ARRB1: variants seen among roughly 807,000 people sequenced by gnomAD.
ARRB1 encodes the protein beta-arrestin-1.
A neutral mutation model predicts 56.8 loss-of-function variants in ARRB1; 21 were observed. That is an observed-to-expected ratio of 0.37 (90% CI 0.26 to 0.53). The LOEUF is 0.53. ARRB1 is among the 20% of genes least tolerant of loss of function. The pLI is 0.88. For synonymous variants in ARRB1, 210 were observed against 218.6 expected, an observed-to-expected ratio of 0.96 and a Z score of 0.35; for missense variants, 424 against 553.7, an observed-to-expected ratio of 0.77 and a Z score of 2.35.
chr11:75,277,506 G>A (rs1946227637), intron 8 of ARRB1, 58 bp from the exon 9 acceptor site: 1 of 1,503,446 alleles, frequency 6.7e-7, no homozygotes. Context: ...TCTAGGGAAA[G>A]GGGAGGGAGA....
chr11:75,312,381 G>A (rs543091948), intron 1 of ARRB1, among the ~76,000 whole-genome samples: 1 of 152,356 alleles, frequency 6.6e-6, no homozygotes, highest in East Asian at 1.9e-4. Flanking sequence ...GGCTCAGACT[G>A]TGTGGACTGC....
At chr11:75,277,108 C>A (rs1317121205) in intron 9 of ARRB1, among the ~76,000 whole-genome samples, 197 bp from the exon 10 acceptor site, 1 of 151,856 alleles carries the variant, frequency 6.6e-6, no homozygotes, top group Non-Finnish European at 1.5e-5. Context: ...ATAACCAAAG[C>A]CTTCCCCTCA....
At chr11:75,290,997 T>C (rs927065771) in intron 1 of ARRB1, among the ~76,000 whole-genome samples, 1 of 152,188 alleles carries the variant, frequency 6.6e-6, no homozygotes, top group Non-Finnish European at 1.5e-5. Context: ...GGGATCTTTG[T>C]CTCTCTTATC....
intron 1 of ARRB1, among the ~76,000 whole-genome samples, chr11:75,318,218 G>A (rs56376940): frequency 0.013 from 1,788 of 139,504 alleles, 44 homozygotes; most frequent in African/African-American, 0.045. Flanking sequence ...CTCAGCTGGA[G>A]TACAGCACAA....
At chr11:75,323,982 T>C (rs1256380714) in intron 1 of ARRB1, among the ~76,000 whole-genome samples, 3 of 151,676 alleles carry the variant, frequency 2.0e-5, no homozygotes, top group Admixed American at 6.6e-5. Flanking sequence ...AAAAAACGTA[T>C]TCAAAATTTT....
chr11:75,305,984 C>T (rs1412366481), intron 1 of ARRB1, among the ~76,000 whole-genome samples: 6 of 152,152 alleles, frequency 3.9e-5, no homozygotes, highest in African/African-American at 7.2e-5. Flanking sequence ...TATCTGAGCA[C>T]CTTCACCTTT....
chr11:75,328,183 T>A (rs1465201650), intron 1 of ARRB1, among the ~76,000 whole-genome samples: 1 of 152,234 alleles, frequency 6.6e-6, no homozygotes, highest in Non-Finnish European at 1.5e-5. Flanking sequence ...TTCATACAAG[T>A]TGACTCATAC....
At chr11:75,276,088 TAG>T (rs1946194788) in intron 10 of ARRB1, among the ~76,000 whole-genome samples, 1 of 152,210 alleles carries the variant, frequency 6.6e-6, no homozygotes, top group Admixed American at 6.5e-5. Context: ...AAAGGCCATG[TAG>T]TAACATTTTA....
At chr11:75,267,798 C>T in intron 14 of ARRB1, 95 bp from the exon 15 acceptor site, 1 of 1,073,890 alleles carries the variant, frequency 9.3e-7, no homozygotes. Flanking sequence ...GACAACCAGA[C>T]TAACATGAGA....
At chr11:75,303,828 G>A (rs1326464659) in intron 1 of ARRB1, among the ~76,000 whole-genome samples, 2 of 152,176 alleles carry the variant, frequency 1.3e-5, no homozygotes, top group African/African-American at 2.4e-5. Context: ...TCCAAACAGG[G>A]CCTGCACATG....
At chr11:75,320,849 C>T (rs557148108) in intron 1 of ARRB1, among the ~76,000 whole-genome samples, 1 of 152,304 alleles carries the variant, frequency 6.6e-6, no homozygotes, top group East Asian at 1.9e-4. Flanking sequence ...GACCACTGGG[C>T]GCTGGGACAC....
At chr11:75,333,471 C>T (rs920216223) in intron 1 of ARRB1, among the ~76,000 whole-genome samples, 12 of 152,172 alleles carry the variant, frequency 7.9e-5, no homozygotes, top group African/African-American at 2.4e-4. Context: ...CTTGCCACCA[C>T]GGAGCCCACA....
intron 1 of ARRB1, chr11:75,306,409 C>T (rs1947030893): frequency 1.1e-5 from 5 of 460,156 alleles, no homozygotes; most frequent in Non-Finnish European, 1.3e-5. Flanking sequence ...ACTGTTCCTC[C>T]CTGTGTTCTC....
intron 1 of ARRB1, among the ~76,000 whole-genome samples, chr11:75,346,756 C>T (rs1679359565): frequency 6.6e-6 from 1 of 152,214 alleles, no homozygotes; most frequent in Admixed American, 6.5e-5. Context: ...CTCCAAGGCC[C>T]TGGCTGTCCC....
At chr11:75,343,166 C>T (rs947916716) in intron 1 of ARRB1, among the ~76,000 whole-genome samples, 5 of 152,094 alleles carry the variant, frequency 3.3e-5, no homozygotes, top group Admixed American at 1.3e-4. Context: ...GACATCATCA[C>T]GAGTGTGCAA....
At chr11:75,281,758 T>C in intron 6 of ARRB1, 1 of 597,200 alleles carries the variant, frequency 1.7e-6, no homozygotes, top group East Asian at 2.8e-5. Flanking sequence ...CATCACTGAA[T>C]GGGAGAGTGA....
At chr11:75,314,257 A>G (rs889716934) in intron 1 of ARRB1, among the ~76,000 whole-genome samples, 4 of 152,318 alleles carry the variant, frequency 2.6e-5, no homozygotes, top group South Asian at 2.1e-4. Context: ...TCAGCCCACA[A>G]TGGCAAGGGG....
At chr11:75,284,860 C>T (rs747568603) in intron 3 of ARRB1, among the ~76,000 whole-genome samples, 2 of 151,944 alleles carry the variant, frequency 1.3e-5, no homozygotes, top group Non-Finnish European at 2.9e-5. Context: ...CTGAGATCAT[C>T]CCACTGCACT....
At chr11:75,314,897 A>G (rs374910792) in intron 1 of ARRB1, among the ~76,000 whole-genome samples, 3 of 152,214 alleles carry the variant, frequency 2.0e-5, no homozygotes, top group South Asian at 2.1e-4. Context: ...GTGAGCCACC[A>G]CGCCCAGCCA....
Sources: gnomAD v4.1 joint callset for allele counts (sites outside exome capture counted in the v4.1 genomes callset) on GRCh38, gnomAD v4.1.1 for gene constraint, MANE v1.5 for transcripts, NCBI Gene and HGNC (gene_info 2026-07-23, HGNC 2026-07-21) for gene names.